KCNH1: variants seen among roughly 807,000 people sequenced by gnomAD.
The protein encoded by KCNH1 is voltage-gated delayed rectifier potassium channel KCNH1.
In KCNH1, 27 loss-of-function variants were observed where a neutral mutation model predicts 69.2. The ratio of observed to expected loss-of-function variants is 0.39; its 90% CI spans 0.29 to 0.54. KCNH1 has a LOEUF of 0.54. KCNH1 is among the 20% of genes least tolerant of loss of function. KCNH1 has a pLI of 0.68. For synonymous variants in KCNH1, 456 were observed against 487.7 expected, an observed-to-expected ratio of 0.93 and a Z score of 0.86; for missense variants, 798 against 1,261.6, an observed-to-expected ratio of 0.63 and a Z score of 5.57.
intron 7 of KCNH1, among the ~76,000 whole-genome samples, chr1:210,839,416 G>C (rs1480412134): frequency 1.3e-5 from 2 of 152,062 alleles, no homozygotes; most frequent in Non-Finnish European, 2.9e-5. Flanking sequence ...ACAAATACTG[G>C]GGCCTGTTGG....
At chr1:210,908,813 C>A (rs572445164) in intron 7 of KCNH1, among the ~76,000 whole-genome samples, 6 of 152,302 alleles carry the variant, frequency 3.9e-5, no homozygotes, top group Middle Eastern at 3.4e-3. Context: ...TGTTTCCCAT[C>A]TCTTCTGCAA....
At chr1:211,121,781 A>G (rs1691689787) in intron 1 of KCNH1, among the ~76,000 whole-genome samples, 1 of 152,216 alleles carries the variant, frequency 6.6e-6, no homozygotes, top group Non-Finnish European at 1.5e-5. Context: ...CAATCTAGTC[A>G]TTTGACAAAG....
At chr1:211,083,169 A>G (rs535546929) in intron 4 of KCNH1, among the ~76,000 whole-genome samples, 2 of 152,354 alleles carry the variant, frequency 1.3e-5, no homozygotes, top group East Asian at 3.9e-4. Flanking sequence ...AAATAGGGAG[A>G]CTAAGACACA....
chr1:211,021,998 A>G (rs1469639268), intron 5 of KCNH1, among the ~76,000 whole-genome samples: 1 of 152,198 alleles, frequency 6.6e-6, no homozygotes, highest in African/African-American at 2.4e-5. Flanking sequence ...ATGGAATCAC[A>G]GAAGACCCAG....
At chr1:210,695,316 G>A (rs1681615476) in intron 10 of KCNH1, among the ~76,000 whole-genome samples, 3 of 152,190 alleles carry the variant, frequency 2.0e-5, no homozygotes, top group Admixed American at 1.3e-4. Context: ...ACTTGTGAGA[G>A]CATTATTCCC....
chr1:210,858,462 C>T (rs564911935), intron 7 of KCNH1: 5 of 152,284 alleles, frequency 3.3e-5, no homozygotes, highest in African/African-American at 1.2e-4. Context: ...TGAAATTATC[C>T]TTGCCCCCCA....
chr1:210,793,433 A>G (rs1194282582), intron 9 of KCNH1, among the ~76,000 whole-genome samples: 1 of 152,248 alleles, frequency 6.6e-6, no homozygotes, highest in Non-Finnish European at 1.5e-5. Flanking sequence ...GCACTTGTAT[A>G]TGTATTCATT....
intron 7 of KCNH1, among the ~76,000 whole-genome samples, chr1:210,903,817 T>C (rs945492989): frequency 6.6e-6 from 1 of 152,120 alleles, no homozygotes; most frequent in Non-Finnish European, 1.5e-5. Flanking sequence ...GAGATGAAGG[T>C]TACTTTACCT....
chr1:210,942,759 G>A (rs1687896839), intron 6 of KCNH1, among the ~76,000 whole-genome samples: 1 of 150,168 alleles, frequency 6.7e-6, no homozygotes, highest in African/African-American at 2.5e-5. Context: ...GGTTTCACCT[G>A]ATAAGGTTAT....
At chr1:210,882,865 C>T (rs1311012075) in intron 7 of KCNH1, among the ~76,000 whole-genome samples, 1 of 152,172 alleles carries the variant, frequency 6.6e-6, no homozygotes, top group Non-Finnish European at 1.5e-5. Flanking sequence ...TAAACCTTTT[C>T]AGCCCTGAGA....
chr1:210,738,042 G>A (rs1020606445), intron 10 of KCNH1, among the ~76,000 whole-genome samples: 2 of 152,042 alleles, frequency 1.3e-5, no homozygotes, highest in African/African-American at 4.8e-5. Flanking sequence ...TCAGTTCTAG[G>A]CCCACAAGAA....
chr1:211,092,827 C>CTT (rs34391994), intron 3 of KCNH1, among the ~76,000 whole-genome samples: 21 of 146,094 alleles, frequency 1.4e-4, no homozygotes, highest in Middle Eastern at 3.5e-3. Context: ...CAAAAAAAAC[C>CTT]TTTTTTTTTT....
chr1:210,803,252 C>A (rs1423197725), intron 8 of KCNH1, among the ~76,000 whole-genome samples: 5 of 152,198 alleles, frequency 3.3e-5, no homozygotes. Flanking sequence ...ACAGGTGCTG[C>A]CACCAAACCC....
intron 5 of KCNH1, among the ~76,000 whole-genome samples, chr1:211,042,388 A>C (rs180720118): frequency 7.2e-5 from 11 of 152,214 alleles, no homozygotes. Context: ...ACCATCACAA[A>C]ATTGGTCCTT....
chr1:211,060,409 A>AAG, intron 5 of KCNH1, among the ~76,000 whole-genome samples: 1 of 147,788 alleles, frequency 6.8e-6, no homozygotes, highest in Non-Finnish European at 1.5e-5. Context: ...TCAAAAAAAA[A>AAG]AAAAAAAAAA....
At chr1:211,010,881 G>T (rs1358102060) in intron 6 of KCNH1, among the ~76,000 whole-genome samples, 1 of 152,142 alleles carries the variant, frequency 6.6e-6, no homozygotes, top group Non-Finnish European at 1.5e-5. Context: ...GTAGAACTTG[G>T]ATTGGCCAGA....
chr1:210,809,799 G>C (rs1262092933), intron 7 of KCNH1, among the ~76,000 whole-genome samples: 2 of 152,152 alleles, frequency 1.3e-5, no homozygotes, highest in African/African-American at 4.8e-5. Context: ...TTTCTGTTTA[G>C]TCTTAGGGAA....
At chr1:210,835,790 A>T (rs926414753) in intron 7 of KCNH1, among the ~76,000 whole-genome samples, 3 of 152,124 alleles carry the variant, frequency 2.0e-5, no homozygotes, top group Non-Finnish European at 4.4e-5. Flanking sequence ...ACAGGGCTTC[A>T]GTTCCCAACT....
chr1:211,117,335 C>T (rs1312970974), intron 1 of KCNH1, among the ~76,000 whole-genome samples: 1 of 152,084 alleles, frequency 6.6e-6, no homozygotes, highest in Non-Finnish European at 1.5e-5. Flanking sequence ...AGCTCTCTCC[C>T]CCTTGCATCT....
Sources: allele counts gnomAD v4.1 joint callset (sites outside exome capture counted in the v4.1 genomes callset), GRCh38; gene constraint gnomAD v4.1.1; transcripts MANE v1.5; gene names NCBI Gene and HGNC (gene_info 2026-07-23, HGNC 2026-07-21).